The following DNAJC1 variants were observed in gnomAD, a reference collection of about 807,000 sequenced individuals.
DNAJC1 encodes the protein DnaJ heat shock protein family (Hsp40) member C1, also known as dnaJ homolog subfamily C member 1.
DNAJC1 carries 58 observed loss-of-function variants against 76.6 expected under a neutral mutation model. That is an observed-to-expected ratio of 0.76 (90% CI 0.61 to 0.94). DNAJC1 has a LOEUF of 0.94. Among genes scored for constraint, DNAJC1 ranks in the 40% least tolerant of loss-of-function variants. The probability of loss-of-function intolerance (pLI) is 0.00; values close to 1 mark genes in which losing one functional copy is unlikely to be tolerated. For missense variants in DNAJC1, 689 were observed against 677.3 expected, an observed-to-expected ratio of 1.02 and a Z score of -0.19; for synonymous variants, 258 against 267.9, an observed-to-expected ratio of 0.96 and a Z score of 0.36.
intron 10 of DNAJC1, among the ~76,000 whole-genome samples, chr10:21,759,835 T>G (rs958514202): frequency 1.3e-5 from 2 of 152,212 alleles, no homozygotes; most frequent in Admixed American, 6.5e-5. Context: ...AGAGTGGGAT[T>G]TGAACCCACT....
chr10:21,952,932 A>T (rs908244218), intron 1 of DNAJC1, among the ~76,000 whole-genome samples: 3 of 152,098 alleles, frequency 2.0e-5, no homozygotes, highest in Admixed American at 2.0e-4. Context: ...TTCTCAGAAA[A>T]CTTATTGTTC....
chr10:21,925,250 G>A (rs569051124), intron 3 of DNAJC1, among the ~76,000 whole-genome samples: 1 of 152,160 alleles, frequency 6.6e-6, no homozygotes, highest in East Asian at 1.9e-4. Context: ...GGGCTCAAGC[G>A]ATCCTCCCAC....
chr10:21,811,490 C>T (rs1280314314), intron 8 of DNAJC1, among the ~76,000 whole-genome samples: 1 of 152,198 alleles, frequency 6.6e-6, no homozygotes, highest in African/African-American at 2.4e-5. Context: ...GAGGATTTAG[C>T]AGTCTCCTAT....
At chr10:21,902,424 C>T (rs1836672314) in intron 7 of DNAJC1, among the ~76,000 whole-genome samples, 1 of 152,136 alleles carries the variant, frequency 6.6e-6, no homozygotes, top group Non-Finnish European at 1.5e-5. Flanking sequence ...CCTGCCTCAG[C>T]CTCCCGAATA....
At chr10:21,885,128 C>A (rs1418017655) in intron 7 of DNAJC1, among the ~76,000 whole-genome samples, 2 of 151,958 alleles carry the variant, frequency 1.3e-5, no homozygotes, top group African/African-American at 4.8e-5. Flanking sequence ...ACCCATCTCA[C>A]AAGTAACGAT....
intron 8 of DNAJC1, among the ~76,000 whole-genome samples, chr10:21,829,372 C>T (rs1245716887): frequency 6.6e-6 from 1 of 152,170 alleles, no homozygotes; most frequent in Non-Finnish European, 1.5e-5. Flanking sequence ...CACCACTATG[C>T]CCGGCTAATT....
chr10:21,820,244 A>G (rs1835137074), intron 8 of DNAJC1, among the ~76,000 whole-genome samples: 1 of 152,160 alleles, frequency 6.6e-6, no homozygotes, highest in South Asian at 2.1e-4. Context: ...AGTAGCATAT[A>G]TCAGTACTTC....
intron 8 of DNAJC1, among the ~76,000 whole-genome samples, chr10:21,830,622 CTT>C (rs1718926088): frequency 6.6e-6 from 1 of 152,162 alleles, no homozygotes; most frequent in Non-Finnish European, 1.5e-5. Context: ...AAAGATTTCT[CTT>C]TCTTACCAAT....
Position 21,804,097 on chromosome 10 carries a change from G to T in DNAJC1, c.1098+1883C>A, listed in dbSNP as rs1238034653. On this transcript the variant is annotated intron_variant, in intron 9 of 11. Transcript: ENST00000376980. ...TTAAGTATATACTAGGATCTATGAG[G>T]CTTTGTTGGTTATATCCTGTGTATT... 1.1e-5 allele frequency: 4 copies of T among 356,614 alleles called. No individual in the cohort carries two copies. In the South Asian group the frequency reaches 3.5e-4, roughly 31 times the overall value. The allele number at this position is 356,614 out of a possible 1,614,324, so 22.1% of individuals were successfully genotyped here.
At chr10:21,993,317 A>G (rs1838357892) in intron 1 of DNAJC1, among the ~76,000 whole-genome samples, 2 of 152,272 alleles carry the variant, frequency 1.3e-5, no homozygotes, top group South Asian at 4.1e-4. Context: ...TGCTTTCCCA[A>G]CCTCTTTCAT....
chr10:21,979,967 A>C (rs1006311400), intron 1 of DNAJC1, among the ~76,000 whole-genome samples: 1 of 152,010 alleles, frequency 6.6e-6, no homozygotes, highest in Non-Finnish European at 1.5e-5. Flanking sequence ...CATTCTGCTT[A>C]TTATGAATCC....
chr10:21,832,403 A>T (rs758469877), intron 8 of DNAJC1, among the ~76,000 whole-genome samples: 5 of 152,238 alleles, frequency 3.3e-5, no homozygotes, highest in African/African-American at 4.8e-5. Flanking sequence ...TACATTAACA[A>T]CTATCTGCTG....
intron 3 of DNAJC1, among the ~76,000 whole-genome samples, chr10:21,922,526 T>G (rs1331262986): frequency 6.6e-6 from 1 of 151,930 alleles, no homozygotes; most frequent in Non-Finnish European, 1.5e-5. Context: ...CCAGAAAAAT[T>G]TGGTGCTATT....
intron 1 of DNAJC1, among the ~76,000 whole-genome samples, chr10:21,950,129 C>T (rs1409209458): frequency 6.6e-6 from 1 of 151,900 alleles, no homozygotes; most frequent in Non-Finnish European, 1.5e-5. Context: ...TGCTTTACTA[C>T]ATGTTGCGGC....
chr10:21,776,044 G>GT (rs1176178322), intron 9 of DNAJC1, among the ~76,000 whole-genome samples: 1 of 152,120 alleles, frequency 6.6e-6, no homozygotes, highest in African/African-American at 2.4e-5. Context: ...GACCTATGAT[G>GT]TAAGTTTGTG....
At chr10:21,799,640 C>T (rs1460357671) in intron 9 of DNAJC1, among the ~76,000 whole-genome samples, 19 of 151,974 alleles carry the variant, frequency 1.3e-4, no homozygotes, top group Non-Finnish European at 2.9e-5. Context: ...AGGCATTTTT[C>T]CAAGTTCTCA....
intron 10 of DNAJC1, among the ~76,000 whole-genome samples, chr10:21,762,837 C>T (rs771251523): frequency 1.3e-4 from 20 of 152,340 alleles, no homozygotes; most frequent in Non-Finnish European, 2.5e-4. Flanking sequence ...CTATTTTCAA[C>T]ATTTTTAAAT....
Position 21,773,969 on chromosome 10 carries a change from G to A in DNAJC1, c.1099-7660C>T, listed in dbSNP as rs965647048. ...ATCCCGGCTAAAACGGTGAAACCCC[G>A]TCTCTACTAAAAATACAAAAAATTA... On this transcript the variant is annotated intron_variant, in intron 9 of 11. Transcript: ENST00000376980. Among the ~76,000 whole-genome samples, 482 of 150,738 alleles carry A rather than the reference G, an allele frequency of 3.2e-3. 1 individual carries two copies. The highest frequency in any genetic ancestry group is 0.011 in the African/African-American group (457 of 41,140).
chr10:21,797,097 T>G (rs1481150833), intron 9 of DNAJC1, among the ~76,000 whole-genome samples: 2 of 152,190 alleles, frequency 1.3e-5, no homozygotes, highest in Non-Finnish European at 2.9e-5. Flanking sequence ...AGTTAAGACT[T>G]TAATCCATTA....
Sources: gnomAD v4.1 joint callset for allele counts (sites outside exome capture counted in the v4.1 genomes callset) on GRCh38, gnomAD v4.1.1 for gene constraint, MANE v1.5 for transcripts, NCBI Gene and HGNC (gene_info 2026-07-23, HGNC 2026-07-21) for gene names.